The following RYR3 variants were observed in gnomAD, a reference collection of about 807,000 sequenced individuals.
The protein encoded by RYR3 is brain ryanodine receptor-calcium release channel.
RYR3 carries 207 observed loss-of-function variants against 584.3 expected under a neutral mutation model. The ratio of observed to expected loss-of-function variants is 0.35; its 90% confidence interval spans 0.32 to 0.40. RYR3 has a LOEUF of 0.40. RYR3 is among the 10% of genes least tolerant of loss of function. The probability of loss-of-function intolerance (pLI) is 1.00; values close to 1 mark genes in which losing one functional copy is unlikely to be tolerated. For synonymous variants in RYR3, 2,416 were observed against 2,248.5 expected (o/e 1.07, Z -2.11); for missense variants, 5,616 against 6,089.2 (o/e 0.92, Z 2.59).
Position 33,663,744 on chromosome 15 carries a change from G to A in RYR3, c.5619+7G>A. On this transcript the variant is annotated splice_region_variant and intron_variant, in intron 36 of 103. Coordinates refer to ENST00000634891, the MANE Select transcript of RYR3 (RefSeq NM_001036.6). ...CTCACCCCCACAGGAGCAGGTGAGGGTCCTTCCTGAGCCTCTGTCCAGTTC... is the reference window on the plus strand; with the variant it reads ...CTCACCCCCACAGGAGCAGGTGAGGATCCTTCCTGAGCCTCTGTCCAGTTC... 3 of 1,596,350 alleles carry A rather than the reference G, an allele frequency of 1.9e-6. No individual in the cohort carries two copies. Among genetic ancestry groups the A allele is most frequent in the Non-Finnish European group, 2.6e-6 (3 of 1,172,140 alleles).
chr15:33,334,147 C>T (rs1017500130), intron 1 of RYR3, among the ~76,000 whole-genome samples: 1 of 152,182 alleles, frequency 6.6e-6, no homozygotes, highest in African/African-American at 2.4e-5. Context: ...CATTAAACTA[C>T]CATTGACATT....
At chr15:33,813,687 C>T in intron 74 of RYR3, 108 bp downstream of exon 74, 2 of 938,104 alleles carry the variant, frequency 2.1e-6, no homozygotes, top group Non-Finnish European at 3.4e-6. Context: ...AAATTGGAAT[C>T]CTTGGCCTAT....
chr15:33,557,287 G>C (rs1470224618), intron 10 of RYR3, among the ~76,000 whole-genome samples: 2 of 152,218 alleles, frequency 1.3e-5, no homozygotes, highest in African/African-American at 4.8e-5. Context: ...TGGGTCCCTG[G>C]TGAATTCGCG....
intron 16 of RYR3, among the ~76,000 whole-genome samples, chr15:33,592,712 A>G (rs1241126063): frequency 1.3e-5 from 2 of 152,330 alleles, no homozygotes; most frequent in Non-Finnish European, 2.9e-5. Flanking sequence ...GTCAGAAAGT[A>G]CAGTTGCAAT....
chr15:33,408,357 A>G (rs993364600), intron 1 of RYR3, among the ~76,000 whole-genome samples: 3 of 152,210 alleles, frequency 2.0e-5, no homozygotes, highest in Non-Finnish European at 4.4e-5. Flanking sequence ...ATGGTTGTGT[A>G]GTAGTCCATG....
intron 36 of RYR3, among the ~76,000 whole-genome samples, chr15:33,664,599 A>G (rs1010049111): frequency 1.3e-4 from 16 of 127,274 alleles, no homozygotes; most frequent in African/African-American, 2.5e-4. Flanking sequence ...GTATATATAT[A>G]TATATATATA....
At chr15:33,342,149 G>A (rs1377706347) in intron 1 of RYR3, among the ~76,000 whole-genome samples, 1 of 152,212 alleles carries the variant, frequency 6.6e-6, no homozygotes, top group African/African-American at 2.4e-5. Context: ...GCTGTAGTGG[G>A]CGTATTACTT....
rs2058511402 is a variant in RYR3, at chr15:33,580,013, A to G, written c.1306A>G (p.Ile436Val). 4.3e-6 allele frequency: 7 copies of G among 1,613,174 alleles called. No homozygotes were observed. Among genetic ancestry groups the G allele is most frequent in the East Asian group, 2.2e-5 (1 of 44,770 alleles). ...CACAGCTGCCCCCATCACCCTGCCT[A>G]TAGAAGAAGTCCTGCAGACCCTACA... ...NRTAAPITLP[I>V]EEVLQTLQDL... The change falls in exon 13 of 104, where the codon ATA (isoleucine) becomes GTA (valine). Residue 436 changes from isoleucine to valine, a missense_variant. Transcript: ENST00000634891.
intron 1 of RYR3, chr15:33,465,610 T>C (rs1371960120): frequency 1.5e-5 from 7 of 462,142 alleles, no homozygotes; most frequent in Non-Finnish European, 2.6e-5. Context: ...TGGAAAGTGA[T>C]TGGAGGCTTT....
intron 1 of RYR3, among the ~76,000 whole-genome samples, chr15:33,374,095 C>A (rs2141120706): frequency 6.6e-6 from 1 of 152,002 alleles, no homozygotes; most frequent in African/African-American, 2.4e-5. Context: ...AAATCTCTAA[C>A]AAAGCAGCTA....
chr15:33,742,296 TCTGA>T, intron 51 of RYR3, 66 bp from the exon 52 acceptor site: 1 of 973,390 alleles, frequency 1.0e-6, no homozygotes, highest in Non-Finnish European at 1.7e-6. Context: ...GATTGGTAGT[TCTGA>T]CTATCTTCTA....
chr15:33,480,953 G>A (rs1393551994), intron 2 of RYR3, among the ~76,000 whole-genome samples: 1 of 152,158 alleles, frequency 6.6e-6, no homozygotes, highest in Non-Finnish European at 1.5e-5. Context: ...ATGAGGATTT[G>A]TCTCTCTTTA....
chr15:33,761,362 TAAAG>T (rs2072422718), intron 60 of RYR3, among the ~76,000 whole-genome samples: 1 of 151,142 alleles, frequency 6.6e-6, no homozygotes, highest in African/African-American at 2.4e-5. Flanking sequence ...GCCAGACTAA[TAAAG>T]AAGAAAAGAG....
intron 1 of RYR3, among the ~76,000 whole-genome samples, chr15:33,339,334 C>A (rs563808318): frequency 2.0e-5 from 3 of 152,082 alleles, no homozygotes; most frequent in African/African-American, 7.2e-5. Flanking sequence ...GACTTCTGCC[C>A]GTATTTTGGA....
chr15:33,687,830 T>G (rs1345748712), intron 38 of RYR3, among the ~76,000 whole-genome samples: 1 of 152,180 alleles, frequency 6.6e-6, no homozygotes, highest in Non-Finnish European at 1.5e-5. Flanking sequence ...CCCTATTTAA[T>G]AAATGGTGCT....
chr15:33,528,488 T>C (rs2054581769), intron 3 of RYR3, among the ~76,000 whole-genome samples: 1 of 152,192 alleles, frequency 6.6e-6, no homozygotes, highest in Non-Finnish European at 1.5e-5. Flanking sequence ...ATCCTCCTAG[T>C]CTATTTCAAT....
intron 16 of RYR3, among the ~76,000 whole-genome samples, chr15:33,588,891 T>TA (rs2058989398): frequency 6.6e-6 from 1 of 152,200 alleles, no homozygotes; most frequent in Non-Finnish European, 1.5e-5. Flanking sequence ...ATGTCTTTGC[T>TA]ATTGTGAATA....
chr15:33,797,810 C>A (rs2075709232), intron 67 of RYR3, among the ~76,000 whole-genome samples: 1 of 152,154 alleles, frequency 6.6e-6, no homozygotes, highest in Non-Finnish European at 1.5e-5. Context: ...ACCTATCAAG[C>A]TCATTTAAAC....
chr15:33,833,389 T>A (rs2077822117), intron 86 of RYR3, among the ~76,000 whole-genome samples: 1 of 152,166 alleles, frequency 6.6e-6, no homozygotes. Context: ...ATGAGCCAAC[T>A]GGCACAGTCA....
Sources: allele counts gnomAD v4.1 joint callset (sites outside exome capture counted in the v4.1 genomes callset), GRCh38; gene constraint gnomAD v4.1.1; transcripts MANE v1.5; gene names NCBI Gene and HGNC (gene_info 2026-07-23, HGNC 2026-07-21).